ADGRA2: variants seen among roughly 807,000 people sequenced by gnomAD.
ADGRA2 encodes G-protein coupled receptor 124.
ADGRA2 carries 61 observed loss-of-function variants against 98.7 expected under a neutral mutation model. That is an observed-to-expected ratio of 0.62 (90% CI 0.50 to 0.76). The LOEUF (loss-of-function observed/expected upper bound fraction) is 0.76, where lower values mean the gene tolerates loss of function less well. ADGRA2 is among the 30% of genes least tolerant of loss of function. ADGRA2 has a pLI of 0.00. For missense variants in ADGRA2, 1,712 were observed against 1,860.0 expected (o/e 0.92, Z 1.46); for synonymous variants, 858 against 831.5 (o/e 1.03, Z -0.55).
chr8:37,829,197 C>A, intron 3 of ADGRA2, 64 bp from the exon 4 acceptor site: 1 of 1,231,152 alleles, frequency 8.1e-7, no homozygotes, highest in Non-Finnish European at 1.2e-6. Context: ...CCCATGTGTT[C>A]CTCACAAGTG....
At chr8:37,826,832 CT>C (rs1490871375) in intron 2 of ADGRA2, among the ~76,000 whole-genome samples, 2 of 152,056 alleles carry the variant, frequency 1.3e-5, no homozygotes, top group African/African-American at 4.8e-5. Flanking sequence ...CCCCCCACCC[CT>C]GACCTCCTCC....
rs1563350468 is a variant in ADGRA2, at chr8:37,834,353, C to T, written c.1608+225C>T. ...GTGGTGGGGAACTGAGCCAAAGGGC[C>T]AGCCTGATGGGAATAAGCAGGAGGA... On this transcript the variant is annotated intron_variant, in intron 11 of 18. Transcript: ENST00000412232. The surrounding 1 kb of genome is among the most constrained non-coding windows in gnomAD (Gnocchi z 4.2). 6.6e-6 allele frequency among the ~76,000 whole-genome samples: 1 copy of T among 152,160 alleles called. No homozygotes were observed. Among genetic ancestry groups the T allele is most frequent in the Admixed American group, 6.5e-5 (1 of 15,280 alleles).
chr8:37,815,626 G>T (rs1585976739), intron 2 of ADGRA2, among the ~76,000 whole-genome samples: 1 of 152,252 alleles, frequency 6.6e-6, no homozygotes, highest in African/African-American at 2.4e-5. Flanking sequence ...GCTGGTGGCT[G>T]TGAGTTGTTA....
chr8:37,817,548 T>A (rs1159897854), intron 2 of ADGRA2, among the ~76,000 whole-genome samples: 1 of 151,462 alleles, frequency 6.6e-6, no homozygotes, highest in Non-Finnish European at 1.5e-5. Flanking sequence ...CTAGAAAAAA[T>A]ATTTTTTTTA....
intron 12 of ADGRA2, 55 bp from the exon 13 acceptor site, chr8:37,835,499 A>T: frequency 6.7e-7 from 1 of 1,491,192 alleles, no homozygotes; most frequent in Non-Finnish European, 9.3e-7. Flanking sequence ...GGGCTGCAAG[A>T]CATCAGTGCT....
At position 37,831,445 on chromosome 8, in the gene ADGRA2, G is replaced by T. The variant is rs775651785; in HGVS notation, c.955G>T (p.Gly319Cys). ...CAGTGAGCTGACGCTGTCTCACATC[G>T]GCGTGTGGGCCTCAGGCGAGTGGGA... Reference protein sequence around the residue: ...ITSELTLSHIGVWASGEWECT... With the variant: ...ITSELTLSHICVWASGEWECT... The change falls in exon 8 of 19, where the codon GGC becomes TGC. Residue 319 changes from glycine (G) to cysteine (C), a missense_variant. Physicochemically the swap from Gly to Cys is radical, Grantham distance 159. Transcript: ENST00000412232. 6.8e-6 allele frequency: 11 copies of T among 1,612,098 alleles called. No homozygotes were observed. The highest frequency in any genetic ancestry group is 8.5e-6 in the Non-Finnish European group (10 of 1,180,008).
At chr8:37,835,050 CT>C (rs1479857294) in intron 11 of ADGRA2, 123 bp from the exon 12 acceptor site, 5 of 659,734 alleles carry the variant, frequency 7.6e-6, no homozygotes, top group Non-Finnish European at 1.3e-5. Flanking sequence ...AGAGAGGTGG[CT>C]TTGAAAAAAC....
At chr8:37,828,804 CGTGGTGACA>C (rs1342604298) in intron 2 of ADGRA2, 75 bp from the exon 3 acceptor site, 1 of 1,044,526 alleles carries the variant, frequency 9.6e-7, no homozygotes, top group Admixed American at 2.3e-5. Context: ...GCAACAACAC[CGTGGTGACA>C]GTGAGGACCC....
intron 1 of ADGRA2, among the ~76,000 whole-genome samples, chr8:37,807,398 A>G (rs765177492): frequency 9.8e-5 from 15 of 152,328 alleles, no homozygotes; most frequent in Non-Finnish European, 1.5e-4. Flanking sequence ...TATCAACCAT[A>G]CTAAAATGTA....
intron 13 of ADGRA2, 119 bp downstream of exon 13, chr8:37,835,889 A>T: frequency 1.5e-6 from 1 of 667,828 alleles, no homozygotes; most frequent in Admixed American, 2.4e-5. Context: ...CTGACACAGG[A>T]TGTTGGGTCT....
intron 7 of ADGRA2, among the ~76,000 whole-genome samples, chr8:37,831,171 A>G (rs1271810360): frequency 6.6e-6 from 1 of 152,230 alleles, no homozygotes; most frequent in Admixed American, 6.5e-5. Context: ...GCTCCTATCT[A>G]TGGCACCAGA....
Position 37,830,145 on chromosome 8 carries a change from A to G in ADGRA2, c.718+131A>G. On this transcript the variant is annotated intron_variant, in intron 6 of 18. Coordinates refer to ENST00000412232, the MANE Select transcript of ADGRA2 (RefSeq NM_032777.10). The surrounding 1 kb of genome is among the most constrained non-coding windows in gnomAD (Gnocchi z 4.8). ...ATTGCAATTTGCAAAAGACCACGAC[A>G]CTGAGTCCTGCTCTTGCATTTAGGG... 3 of 566,246 alleles carry G rather than the reference A, an allele frequency of 5.3e-6. No individual in the cohort carries two copies. Among genetic ancestry groups the G allele is most frequent in the Admixed American group, 6.8e-5 (2 of 29,302 alleles). 35.1% of individuals were successfully genotyped at this position (566,246 alleles called of 1,614,324 possible).
intron 1 of ADGRA2, among the ~76,000 whole-genome samples, chr8:37,813,302 A>T (rs1429795768): frequency 6.6e-6 from 1 of 152,182 alleles, no homozygotes; most frequent in Non-Finnish European, 1.5e-5. Context: ...CCAGGGCCTG[A>T]TGAGACCTTT....
rs956539669 is a variant in ADGRA2 at position 37,841,830 on chromosome 8, C to T, written c.3492C>T (p.Thr1164=). 5.2e-6 allele frequency: 8 copies of T among 1,530,892 alleles called. No homozygotes were observed. In the African/African-American group the frequency reaches 1.1e-4, roughly 21 times the overall value. The allele number at this position is 1,530,892 out of a possible 1,614,324, so 94.8% of individuals were successfully genotyped here. ...GGEGEPEPAG[T]RGNLAHRHPN... Reference sequence around the variant, plus strand: ...AAGGAGAGCCGGAGCCGGCGGGCACCCGGGGAAACCTCGCCCACCGCCACC... The same window carrying T: ...AAGGAGAGCCGGAGCCGGCGGGCACTCGGGGAAACCTCGCCCACCGCCACC... The change falls in exon 19 of 19, where the codon ACC becomes ACT. Residue 1164 remains threonine (T), a synonymous_variant. Coordinates refer to ENST00000412232, the MANE Select transcript of ADGRA2 (RefSeq NM_032777.10). The surrounding 1 kb of genome is among the most constrained non-coding windows in gnomAD (Gnocchi z 5.0).
In ADGRA2 at chr8:37,814,769, G is replaced by T. The variant is rs1804930471; in HGVS notation, c.267-127G>T. Reference sequence around the variant, plus strand: ...TAATCTCCGGAAGTAGAGGGTGGGGGCTGCTGCCTCGCACAACTCCAGGGG... The same window carrying T: ...TAATCTCCGGAAGTAGAGGGTGGGGTCTGCTGCCTCGCACAACTCCAGGGG... On this transcript the variant is annotated intron_variant, in intron 1 of 18. Coordinates refer to ENST00000412232, the MANE Select transcript of ADGRA2 (RefSeq NM_032777.10). This position sits in a 1 kb window ranked among gnomAD's most constrained non-coding sequence, Gnocchi z 4.3. 1.4e-6 allele frequency: 1 copy of T among 700,060 alleles called. No individual in the cohort carries two copies. 43.4% of individuals were successfully genotyped at this position (700,060 alleles called of 1,614,324 possible).
Position 37,844,255 on chromosome 8 carries a change from G to T in ADGRA2, c.*1900G>T. 1 of 555,742 alleles carries T rather than the reference G, an allele frequency of 1.8e-6. No individual in the cohort carries two copies. 34.4% of individuals were successfully genotyped at this position (555,742 alleles called of 1,614,324 possible). On this transcript the variant is annotated 3_prime_UTR_variant, in exon 19 of 19. Coordinates refer to ENST00000412232, the MANE Select transcript of ADGRA2 (RefSeq NM_032777.10). ...GAGGAAAGCCATCTCACAGAACATG[G>T]ACATAGGCAACTTGCTCTCCCACAC...
Position 37,834,928 on chromosome 8 carries a change from G to C in ADGRA2, c.1609-246G>C, listed in dbSNP as rs1490527466. Among the ~76,000 whole-genome samples, 1 of 152,106 alleles carries C rather than the reference G, an allele frequency of 6.6e-6. No homozygotes were observed. Among genetic ancestry groups the C allele is most frequent in the South Asian group, 2.1e-4 (1 of 4,816 alleles). On this transcript the variant is annotated intron_variant, in intron 11 of 18. Transcript: ENST00000412232. This position sits in a 1 kb window ranked among gnomAD's most constrained non-coding sequence, Gnocchi z 4.2. Reference sequence around the variant, plus strand: ...TAGTCCCAGATACTCAGGAGGCTGAGGTGGGAGGATTACTTGAGCCCAGGA... The same window carrying C: ...TAGTCCCAGATACTCAGGAGGCTGACGTGGGAGGATTACTTGAGCCCAGGA...
chr8:37,839,579 C>T lies in ADGRA2; in HGVS notation c.2468C>T (p.Ala823Val), dbSNP rs775525561. The T allele has an allele frequency of 9.3e-6, 15 of 1,613,916 alleles. No individual in the cohort carries two copies. The highest frequency in any genetic ancestry group is 2.2e-5 in the East Asian group (1 of 44,890). ...ATAGCCATGACCTCTGCTGTCTTTG[C>T]GGGGGGCATCACACTCACCAACTAC... ...FHIAMTSAVFAGGITLTNYQM... is the reference protein window; with the variant it reads ...FHIAMTSAVFVGGITLTNYQM... Residue 823 changes from alanine (A) to valine (V), a missense_variant, in exon 16 of 19, where the codon GCG becomes GTG. Coordinates refer to ENST00000412232, the MANE Select transcript of ADGRA2 (RefSeq NM_032777.10).
chr8:37,841,025 G>GCCCCCCACCCCCCCCC lies in ADGRA2; in HGVS notation c.2748-56_2748-55insCACCCCCCCCCCCCCC. 1 of 1,411,662 alleles carries GCCCCCCACCCCCCCCC rather than the reference G, an allele frequency of 7.1e-7. No individual in the cohort carries two copies. Among genetic ancestry groups the GCCCCCCACCCCCCCCC allele is most frequent in the Non-Finnish European group, 9.8e-7 (1 of 1,023,660 alleles). The allele number at this position is 1,411,662 out of a possible 1,614,324, so 87.4% of individuals were successfully genotyped here. ...ATATCCTGTCTCCCCAACCACCCCG[G>GCCCCCCACCCCCCCCC]CCCCCAGCCCCACCCCAGCCATGCC... On this transcript the variant is annotated intron_variant, in intron 18 of 18. Transcript: ENST00000412232. This position sits in a 1 kb window ranked among gnomAD's most constrained non-coding sequence, Gnocchi z 5.0.
Sources: gnomAD v4.1 joint callset for allele counts (sites outside exome capture counted in the v4.1 genomes callset) on GRCh38, gnomAD v4.1.1 for gene constraint, Gnocchi (gnomAD v3.1) non-coding constraint, MANE v1.5 for transcripts, NCBI Gene and HGNC (gene_info 2026-07-23, HGNC 2026-07-21) for gene names.